Variants in DPP10 observed in about 807,000 individuals in gnomAD.
DPP10 encodes dipeptidyl peptidase like 10.
A neutral mutation model predicts 120.9 loss-of-function variants in DPP10; 33 were observed. The ratio of observed to expected loss-of-function variants is 0.27; its 90% CI spans 0.21 to 0.37. The LOEUF (loss-of-function observed/expected upper bound fraction) is 0.37. DPP10 is among the 10% of genes least tolerant of loss of function. DPP10 has a pLI of 1.00. For missense variants in DPP10, 816 were observed against 942.8 expected (o/e 0.87, Z 1.76); for synonymous variants, 337 against 326.1 (o/e 1.03, Z -0.36).
chr2:114,544,822 G>A (rs1291513260), intron 1 of DPP10, among the ~76,000 whole-genome samples: 1 of 152,006 alleles, frequency 6.6e-6, no homozygotes, highest in Non-Finnish European at 1.5e-5. Context: ...TATGGATTAT[G>A]TAAATGTAGT....
chr2:114,547,642 T>C (rs1687528855), intron 1 of DPP10, among the ~76,000 whole-genome samples: 2 of 152,198 alleles, frequency 1.3e-5, no homozygotes, highest in Admixed American at 6.5e-5. Flanking sequence ...TATGTGTTTA[T>C]AAATATATAA....
chr2:114,768,212 A>G (rs1469567071), intron 1 of DPP10, among the ~76,000 whole-genome samples: 1 of 152,128 alleles, frequency 6.6e-6, no homozygotes, highest in East Asian at 1.9e-4. Context: ...TGATATAAAG[A>G]CATTTTCTGG....
chr2:115,674,319 A>G (rs995271250), intron 5 of DPP10, among the ~76,000 whole-genome samples: 7 of 152,046 alleles, frequency 4.6e-5, no homozygotes, highest in African/African-American at 1.4e-4. Context: ...TAGTGTCAAC[A>G]TGGCTTTTGG....
At chr2:114,467,690 A>G (rs1366230682) in intron 1 of DPP10, among the ~76,000 whole-genome samples, 1 of 152,146 alleles carries the variant, frequency 6.6e-6, no homozygotes, top group Non-Finnish European at 1.5e-5. Flanking sequence ...ATTCCAATCA[A>G]TGCTTTGAAT....
In DPP10 at chr2:114,457,167, C is replaced by T. The variant is rs772733747; in HGVS notation, c.60+14329C>T. Among the ~76,000 whole-genome samples, 30 of 152,292 alleles carry T rather than the reference C, an allele frequency of 2.0e-4. 1 individual carries two copies. The highest frequency in any genetic ancestry group is 3.4e-3 in the Middle Eastern group (1 of 294). On this transcript the variant is annotated intron_variant, in intron 1 of 25. Transcript: ENST00000410059. ...CAGATCCTGCGTCTGTTGTATCTTA[C>T]GCAGACTCTGTTGGTCAATACAAAT...
At chr2:115,583,900 T>C (rs550735443) in intron 5 of DPP10, among the ~76,000 whole-genome samples, 1 of 152,304 alleles carries the variant, frequency 6.6e-6, no homozygotes, top group Admixed American at 6.5e-5. Flanking sequence ...TGATGAGCAT[T>C]AGAAGATGCT....
chr2:114,677,004 T>C (rs1266892044), intron 1 of DPP10, among the ~76,000 whole-genome samples: 1 of 152,132 alleles, frequency 6.6e-6, no homozygotes, highest in African/African-American at 2.4e-5. Flanking sequence ...TTTGCCCAAG[T>C]CCGCATCATT....
At chr2:115,563,082 G>C (rs1431379026) in intron 5 of DPP10, among the ~76,000 whole-genome samples, 1 of 152,134 alleles carries the variant, frequency 6.6e-6, no homozygotes, top group Non-Finnish European at 1.5e-5. Flanking sequence ...CTCCTTTTAT[G>C]AACATCATGG....
chr2:115,080,902 A>C (rs11123275), intron 1 of DPP10, among the ~76,000 whole-genome samples: 28,214 of 152,084 alleles, frequency 0.19, 3,002 homozygotes, highest in East Asian at 0.36. Flanking sequence ...CTAGATTATA[A>C]TCATTCTCTT....
intron 10 of DPP10, among the ~76,000 whole-genome samples, chr2:115,748,933 T>A (rs1385434803): frequency 1.3e-5 from 2 of 152,184 alleles, no homozygotes; most frequent in East Asian, 1.9e-4. Context: ...TGAGTGCAAC[T>A]TTTCCTCAAT....
At chr2:115,838,653 T>C (rs1055030149) in intron 24 of DPP10, among the ~76,000 whole-genome samples, 1 of 152,168 alleles carries the variant, frequency 6.6e-6, no homozygotes, top group Non-Finnish European at 1.5e-5. Context: ...ATGTTGTAGC[T>C]ATAAAGGTAA....
At chr2:115,618,443 A>G (rs2084691904) in intron 5 of DPP10, among the ~76,000 whole-genome samples, 1 of 152,152 alleles carries the variant, frequency 6.6e-6, no homozygotes, top group African/African-American at 2.4e-5. Context: ...AGTTGGTGAA[A>G]GAGACAAATA....
At chr2:115,384,591 G>A (rs1474253727) in intron 3 of DPP10, among the ~76,000 whole-genome samples, 1 of 137,874 alleles carries the variant, frequency 7.3e-6, no homozygotes, top group Non-Finnish European at 1.5e-5. Flanking sequence ...AGGAGGAAAA[G>A]GAAGAAGGAG....
At chr2:114,734,684 CTT>C (rs1448337836) in intron 1 of DPP10, among the ~76,000 whole-genome samples, 4 of 152,130 alleles carry the variant, frequency 2.6e-5, no homozygotes, top group African/African-American at 9.7e-5. Context: ...GAGTTTGACT[CTT>C]TTTGTCGGCA....
At chr2:115,540,243 A>G (rs908598475) in intron 5 of DPP10, among the ~76,000 whole-genome samples, 2 of 151,960 alleles carry the variant, frequency 1.3e-5, no homozygotes, top group Non-Finnish European at 2.9e-5. Context: ...AGACTGAAGT[A>G]TTGCATTATG....
chr2:114,448,078 T>C (rs573357138), intron 1 of DPP10, among the ~76,000 whole-genome samples: 1 of 152,326 alleles, frequency 6.6e-6, no homozygotes, highest in Non-Finnish European at 1.5e-5. Context: ...TTACTATAAA[T>C]TCAGCTGTTT....
chr2:115,793,450 C>T (rs1400519451), intron 19 of DPP10, among the ~76,000 whole-genome samples: 1 of 151,738 alleles, frequency 6.6e-6, no homozygotes, highest in African/African-American at 2.4e-5. Context: ...TAATTGCAGT[C>T]ATTATAAATG....
In DPP10 at chr2:115,003,192, AC is replaced by A. The variant is rs1409632378; in HGVS notation, c.61-306046del. On this transcript the variant is annotated intron_variant, in intron 1 of 25. Coordinates refer to ENST00000410059, the MANE Select transcript of DPP10 (RefSeq NM_020868.6). ...ATGTAGCTATAAAAAAAAAAAAAAA[AC>A]AATGAAATCATGTCCTTTGCAGTGA... Among the ~76,000 whole-genome samples, 144 of 151,238 alleles carry A rather than the reference AC, an allele frequency of 9.5e-4. No homozygotes were observed. In the Middle Eastern group the frequency reaches 0.014, roughly 14 times the overall value.
chr2:115,205,794 G>C (rs142818477), intron 1 of DPP10, among the ~76,000 whole-genome samples: 28 of 152,218 alleles, frequency 1.8e-4, no homozygotes, highest in African/African-American at 6.3e-4. Context: ...ATCAAATACT[G>C]CGTGTTCTCA....
Sources: gnomAD v4.1 joint callset for allele counts (sites outside exome capture counted in the v4.1 genomes callset) on GRCh38, gnomAD v4.1.1 for gene constraint, MANE v1.5 for transcripts, NCBI Gene and HGNC (gene_info 2026-07-23, HGNC 2026-07-21) for gene names.